The following NPLOC4 variants were observed in gnomAD, a reference collection of about 807,000 sequenced individuals.
NPLOC4 encodes the protein NPL4 homolog, ubiquitin recognition factor.
Under a neutral mutation model 80.6 loss-of-function variants are expected in NPLOC4, and 18 were observed. The observed-to-expected ratio is 0.22, with a 90% CI of 0.15 to 0.33. The LOEUF (loss-of-function observed/expected upper bound fraction) is 0.33. Ranked by LOEUF, NPLOC4 falls within the 10% of genes least tolerant of loss-of-function variation. The pLI is 1.00. For missense variants in NPLOC4, 540 were observed against 786.1 expected (o/e 0.69, Z 3.74); for synonymous variants, 313 against 301.5 (o/e 1.04, Z -0.39).
intron 3 of NPLOC4, among the ~76,000 whole-genome samples, chr17:81,618,267 G>A (rs2035559189): frequency 6.6e-6 from 1 of 151,244 alleles, no homozygotes; most frequent in African/African-American, 2.4e-5. Flanking sequence ...TCTCTGCCCG[G>A]CCGCCCATCG....
chr17:81,619,331 C>A (rs780950817), intron 3 of NPLOC4, among the ~76,000 whole-genome samples: 1 of 151,710 alleles, frequency 6.6e-6, no homozygotes, highest in South Asian at 2.1e-4. Flanking sequence ...GAGCTGAAAT[C>A]GCGCCACTGG....
At chr17:81,563,205 G>A (rs2033903133) in intron 16 of NPLOC4, 1 of 151,814 alleles carries the variant, frequency 6.6e-6, no homozygotes, top group Non-Finnish European at 1.5e-5. Context: ...CTCCTGAGTA[G>A]CTGGGATTAC....
chr17:81,631,455 T>C (rs1428414269), intron 1 of NPLOC4, among the ~76,000 whole-genome samples: 2 of 74,742 alleles, frequency 2.7e-5, no homozygotes, highest in Admixed American at 1.6e-4. Flanking sequence ...TTTTTTTTTT[T>C]TTTTTTTCCC....
intron 11 of NPLOC4, among the ~76,000 whole-genome samples, chr17:81,595,485 C>T (rs1452567919): frequency 4.2e-5 from 6 of 144,324 alleles, no homozygotes; most frequent in African/African-American, 1.5e-4. Context: ...TTCACTCTGT[C>T]GCCCAGGGGA....
At chr17:81,576,354 C>T (rs1195159652) in intron 12 of NPLOC4, among the ~76,000 whole-genome samples, 2 of 152,170 alleles carry the variant, frequency 1.3e-5, no homozygotes, top group Non-Finnish European at 2.9e-5. Context: ...TATAGGCAGA[C>T]TTTTTTCAAC....
intron 3 of NPLOC4, among the ~76,000 whole-genome samples, chr17:81,621,499 T>C (rs2035666736): frequency 6.6e-6 from 1 of 152,092 alleles, no homozygotes; most frequent in Admixed American, 6.6e-5. Flanking sequence ...ACTAGCTCCT[T>C]AAGGACTGAA....
intron 3 of NPLOC4, chr17:81,614,268 T>C (rs1598669410): frequency 7.2e-5 from 3 of 41,468 alleles, no homozygotes; most frequent in East Asian, 2.7e-3. Context: ...AGAGGGAGGC[T>C]CCATCTCAAA....
intron 13 of NPLOC4, among the ~76,000 whole-genome samples, chr17:81,570,206 G>A (rs1018786628): frequency 1.3e-5 from 2 of 152,204 alleles, no homozygotes; most frequent in Admixed American, 6.5e-5. Flanking sequence ...ATGAAGACTC[G>A]GGCCGCGGTG....
chr17:81,576,860 G>C (rs1009805268), intron 12 of NPLOC4, among the ~76,000 whole-genome samples: 1 of 152,178 alleles, frequency 6.6e-6, no homozygotes, highest in Non-Finnish European at 1.5e-5. Flanking sequence ...TCACGGGCGC[G>C]AGGGCAAGGC....
chr17:81,631,445 T>A (rs796238813), intron 1 of NPLOC4, among the ~76,000 whole-genome samples: 35,250 of 80,426 alleles, frequency 0.44, 5,708 homozygotes, highest in East Asian at 0.64. Flanking sequence ...TATTTTTTTT[T>A]TTTTTTTTTT....
chr17:81,599,866 G>C (rs1480546202), intron 9 of NPLOC4, among the ~76,000 whole-genome samples: 2 of 152,206 alleles, frequency 1.3e-5, no homozygotes, highest in Non-Finnish European at 2.9e-5. Flanking sequence ...GATGATTGAT[G>C]ACGGAGCAGC....
chr17:81,590,175 G>A (rs1237179366), intron 11 of NPLOC4, among the ~76,000 whole-genome samples: 3 of 152,244 alleles, frequency 2.0e-5, no homozygotes, highest in Non-Finnish European at 4.4e-5. Context: ...ACAGTGTGGA[G>A]GTGCAGGTGC....
At chr17:81,592,667 C>T (rs2034781578) in intron 11 of NPLOC4, among the ~76,000 whole-genome samples, 1 of 152,112 alleles carries the variant, frequency 6.6e-6, no homozygotes, top group Admixed American at 6.6e-5. Context: ...GTTCTTCTGG[C>T]CCATGGAATA....
At chr17:81,576,582 G>T (rs988013467) in intron 12 of NPLOC4, among the ~76,000 whole-genome samples, 1 of 152,132 alleles carries the variant, frequency 6.6e-6, no homozygotes, top group Non-Finnish European at 1.5e-5. Context: ...AAGAAAAAGA[G>T]TTAAGGTATC....
chr17:81,558,998 A>G lies in NPLOC4; in HGVS notation c.*261T>C. ...TTTCCAACACGGCGGGGGACTTGTC[A>G]ACAGGATTAGGCGTGAGGAGCCGCT... is the stretch of plus-strand genomic sequence containing the variant. On this transcript the variant is annotated 3_prime_UTR_variant, in exon 17 of 17. Coordinates refer to ENST00000331134, the MANE Select transcript of NPLOC4 (RefSeq NM_017921.4). 1 of 419,954 alleles carries G rather than the reference A, an allele frequency of 2.4e-6. No individual in the cohort carries two copies. The allele number at this position is 419,954 out of a possible 1,614,324, so 26.0% of individuals were successfully genotyped here. A position where few individuals can be genotyped will look rare whatever the true frequency, so the allele number is the denominator to read the frequency against.
At chr17:81,631,465 C>CCCG (rs1555689763) in intron 1 of NPLOC4, among the ~76,000 whole-genome samples, 3 of 95,282 alleles carry the variant, frequency 3.1e-5, no homozygotes, top group Admixed American at 2.1e-4. Flanking sequence ...TTTTTTTTCC[C>CCCG]CCACGGCAAG....
At chr17:81,589,158 C>A in intron 11 of NPLOC4, 54 bp from the exon 12 acceptor site, 8 of 1,487,690 alleles carry the variant, frequency 5.4e-6, no homozygotes, top group Non-Finnish European at 7.4e-6. Context: ...CAAAACCAGT[C>A]CATATCTGTT....
intron 11 of NPLOC4, among the ~76,000 whole-genome samples, chr17:81,595,413 G>A (rs973683805): frequency 7.7e-6 from 1 of 129,150 alleles, no homozygotes. Context: ...CAGCCTAAAT[G>A]ACAGTAAGAC....
At chr17:81,634,253 G>A (rs62074744) in intron 1 of NPLOC4, among the ~76,000 whole-genome samples, 12,128 of 151,980 alleles carry the variant, frequency 0.08, 561 homozygotes, top group Middle Eastern at 0.17. Context: ...CACCTGCCTC[G>A]GCCTCTCAAA....
Sources: allele counts gnomAD v4.1 joint callset (sites outside exome capture counted in the v4.1 genomes callset), GRCh38; gene constraint gnomAD v4.1.1; transcripts MANE v1.5; gene names NCBI Gene and HGNC (gene_info 2026-07-23, HGNC 2026-07-21).